ZNF556: variants seen among roughly 807,000 people sequenced by gnomAD.
The protein encoded by ZNF556 is zinc finger protein 556.
A neutral mutation model predicts 13.6 loss-of-function variants in ZNF556; 11 were observed. The observed-to-expected ratio is 0.81, with a 90% CI of 0.51 to 1.33. The LOEUF is 1.33. Ranked by LOEUF, ZNF556 falls within the 40% of genes most tolerant of loss-of-function variation. The pLI is 0.00. For synonymous variants in ZNF556, 229 were observed against 207.8 expected, an observed-to-expected ratio of 1.10 and a Z score of -0.88; for missense variants, 633 against 566.2, an observed-to-expected ratio of 1.12 and a Z score of -1.20.
Position 2,880,627 on chromosome 19 carries a change from G to C in ZNF556, c.*2298G>C, listed in dbSNP as rs1026377100. On this transcript the variant is annotated 3_prime_UTR_variant, in exon 4 of 4. Transcript: ENST00000307635. ...TACTAAAAATACAAAATATTAGTGG[G>C]GTGTGCTGGTAGGTGCCTGTAGTCC... 6.6e-5 allele frequency: 10 copies of C among 151,852 alleles called. No homozygotes were observed. The highest frequency in any genetic ancestry group is 1.0e-4 in the Non-Finnish European group (7 of 68,020). 9.4% of individuals were successfully genotyped at this position (151,852 alleles called of 1,614,324 possible).
intron 2 of ZNF556, among the ~76,000 whole-genome samples, chr19:2,874,758 A>G (rs200570220): frequency 9.2e-5 from 12 of 130,772 alleles, no homozygotes; most frequent in South Asian, 2.4e-4. Context: ...AAAAAAAAAA[A>G]AAAGAAAGAA....
At position 2,867,373 on chromosome 19, in the gene ZNF556, G is replaced by C; in HGVS notation, c.-49G>C. 2.5e-6 allele frequency: 4 copies of C among 1,568,952 alleles called. No individual in the cohort carries two copies. In the South Asian group the frequency reaches 3.5e-5, roughly 14 times the overall value. On this transcript the variant is annotated 5_prime_UTR_variant, in exon 1 of 4. Transcript: ENST00000307635. ...TGTCCCCGTCGTGCTCACCTGCACC[G>C]GCTGCGAGGAGCAGGGAGCTCCTCA...
At position 2,876,139 on chromosome 19, in the gene ZNF556, T is replaced by C. The variant is rs767057182; in HGVS notation, c.177T>C (p.Asp59=). 14 of 1,612,824 alleles carry C rather than the reference T, an allele frequency of 8.7e-6. No homozygotes were observed. In the African/African-American group the frequency reaches 1.7e-4, roughly 20 times the overall value. ...LKASGSISQQ[D]TSGEKLSLKQ... ...CCAGTGGGTCTATTTCTCAGCAGGA[T>C]ACTTCTGGAGAAAAATTATCCCTCA... Residue 59 remains aspartate, a synonymous_variant, in exon 3 of 4, where the codon GAT becomes GAC. Transcript: ENST00000307635.
chr19:2,876,221 A>G lies in ZNF556; in HGVS notation c.259A>G (p.Asn87Asp). The G allele has an allele frequency of 6.2e-7, 1 of 1,609,912 alleles. No homozygotes were observed. Among genetic ancestry groups the G allele is most frequent in the Non-Finnish European group, 8.5e-7 (1 of 1,178,808 alleles). The change falls in exon 3 of 4, where the codon AAT becomes GAT. Residue 87 changes from asparagine (N) to aspartate (D), a missense_variant. By Grantham distance (23) the Asn-to-Asp change is conservative. Coordinates refer to ENST00000307635, the MANE Select transcript of ZNF556 (RefSeq NM_024967.3). Reference protein sequence around the residue: ...KNIWASLLGKNWEEHSVKDKH... With the variant: ...KNIWASLLGKDWEEHSVKDKH... Reference sequence around the variant, plus strand: ...TATATGGGCCTCCCTTTTAGGAAAAAATTGGGAAGAACATAGCGTTAAAGA... The same window carrying G: ...TATATGGGCCTCCCTTTTAGGAAAAGATTGGGAAGAACATAGCGTTAAAGA...
At chr19:2,877,191 C>T (rs2087859238) in intron 3 of ZNF556, 82 bp from the exon 4 acceptor site, 2 of 1,208,970 alleles carry the variant, frequency 1.7e-6, no homozygotes, top group Non-Finnish European at 2.3e-6. Context: ...GCCTGGGGAA[C>T]AAGAGCAAAA....
rs921011181 is a variant in ZNF556 at position 2,881,954 on chromosome 19, T to A, written c.*3625T>A. On this transcript the variant is annotated 3_prime_UTR_variant, in exon 4 of 4. Coordinates refer to ENST00000307635, the MANE Select transcript of ZNF556 (RefSeq NM_024967.3). ...AGACACAGTCTCTATAAAAAGAAATTTTTAAAAGTATCTAGGCATGGTGAT... is the reference window on the plus strand; with the variant it reads ...AGACACAGTCTCTATAAAAAGAAATATTTAAAAGTATCTAGGCATGGTGAT... The A allele has an allele frequency of 6.6e-6, 1 of 150,974 alleles. No individual in the cohort carries two copies. Among genetic ancestry groups the A allele is most frequent in the African/African-American group, 2.4e-5 (1 of 41,002 alleles). 9.4% of individuals were successfully genotyped at this position (150,974 alleles called of 1,614,324 possible).
In ZNF556 at chr19:2,876,123, C is replaced by T. The variant is rs764544547; in HGVS notation, c.161C>T (p.Ser54Phe). The T allele has an allele frequency of 2.8e-5, 45 of 1,611,488 alleles. No homozygotes were observed. The highest frequency in any genetic ancestry group is 3.7e-5 in the Non-Finnish European group (44 of 1,179,422). Reference protein sequence around the residue: ...DNEAQLKASGSISQQDTSGEK... With the variant: ...DNEAQLKASGFISQQDTSGEK... ...GAGGCTCAGCTTAAAGCCAGTGGGT[C>T]TATTTCTCAGCAGGATACTTCTGGA... Residue 54 changes from serine to phenylalanine, a missense_variant, in exon 3 of 4, where the codon TCT (serine) becomes TTT (phenylalanine). Physicochemically the swap from Ser to Phe is radical, Grantham distance 155. Transcript: ENST00000307635.
Position 2,878,230 on chromosome 19 carries a change from C to T in ZNF556, c.1272C>T (p.Pro424=), listed in dbSNP as rs148803673. 2 of 1,613,980 alleles carry T rather than the reference C, an allele frequency of 1.2e-6. No individual in the cohort carries two copies. Among genetic ancestry groups the T allele is most frequent in the African/African-American group, 2.7e-5 (2 of 74,908 alleles). ...TAAGAACGCAGATTGGACAGAAGCC[C>T]AGTAAATGCGAAAAATGTGGGAAAG... ...KNVRTQIGQK[P]SKCEKCGKAF... is the part of the protein sequence containing the mutation. Residue 424 remains proline, a synonymous_variant, in exon 4 of 4, where the codon CCC becomes CCT. Transcript: ENST00000307635.
intron 1 of ZNF556, among the ~76,000 whole-genome samples, chr19:2,869,413 C>T (rs1346965945): frequency 6.6e-6 from 1 of 152,112 alleles, no homozygotes; most frequent in Non-Finnish European, 1.5e-5. Context: ...GTCACCGACG[C>T]TGGAGTGCAG....
rs1472452871 is a variant in ZNF556, at chr19:2,879,384, A to T, written c.*1055A>T. On this transcript the variant is annotated 3_prime_UTR_variant, in exon 4 of 4. Coordinates refer to ENST00000307635, the MANE Select transcript of ZNF556 (RefSeq NM_024967.3). ...TTCTTTTTTGAGACAGAGTCCTGTTATGTTGCCCAAGCTGGAGTGCAACGG... is the reference window on the plus strand; with the variant it reads ...TTCTTTTTTGAGACAGAGTCCTGTTTTGTTGCCCAAGCTGGAGTGCAACGG... 1.3e-5 allele frequency: 2 copies of T among 151,754 alleles called. No homozygotes were observed. The highest frequency in any genetic ancestry group is 2.9e-5 in the Non-Finnish European group (2 of 67,928). 9.4% of individuals were successfully genotyped at this position (151,754 alleles called of 1,614,324 possible). A position where few individuals can be genotyped will look rare whatever the true frequency, so the allele number is the denominator to read the frequency against.
In ZNF556 at chr19:2,881,040, G is replaced by A. The variant is rs2087900943; in HGVS notation, c.*2711G>A. The stretch of plus-strand genomic sequence containing the variant: ...CCGCCACCACACCCGGCTAATTTTT[G>A]TATTTTTAGTAGAGACGGGGTTTCA... On this transcript the variant is annotated 3_prime_UTR_variant, in exon 4 of 4. Transcript: ENST00000307635. The A allele has an allele frequency of 6.6e-6, 1 of 151,314 alleles. No individual in the cohort carries two copies. The highest frequency in any genetic ancestry group is 2.0e-4 in the East Asian group (1 of 4,926). The allele number at this position is 151,314 out of a possible 1,614,324, so 9.4% of individuals were successfully genotyped here. A position where few individuals can be genotyped will look rare whatever the true frequency, so the allele number is the denominator to read the frequency against.
chr19:2,874,642 G>T (rs921775677), intron 2 of ZNF556, among the ~76,000 whole-genome samples: 1 of 151,306 alleles, frequency 6.6e-6, no homozygotes, highest in Admixed American at 6.6e-5. Context: ...TACTTGGGAG[G>T]CTGAGGCAGC....
chr19:2,877,704 A>T lies in ZNF556; in HGVS notation c.746A>T (p.His249Leu), dbSNP rs746996670. Residue 249 changes from histidine (H) to leucine (L), a missense_variant, in exon 4 of 4, where the codon CAT becomes CTT. Coordinates refer to ENST00000307635, the MANE Select transcript of ZNF556 (RefSeq NM_024967.3). ...AGTTGTCCCAAATCCTTTCGCGCAC[A>T]TGTGATGATGCACGCCGGAGGGAGA... The part of the protein sequence containing the change: ...GFSCPKSFRA[H>L]VMMHAGGRPY... 12 of 1,614,034 alleles carry T rather than the reference A, an allele frequency of 7.4e-6. No homozygotes were observed. The highest frequency in any genetic ancestry group is 1.6e-4 in the Middle Eastern group (1 of 6,084).
intron 1 of ZNF556, among the ~76,000 whole-genome samples, chr19:2,871,377 G>T (rs1480810640): frequency 6.6e-6 from 1 of 152,192 alleles, no homozygotes; most frequent in Non-Finnish European, 1.5e-5. Context: ...GAGAGTAGAA[G>T]AGTGATTGCC....
chr19:2,876,440 A>G (rs1372223935), intron 3 of ZNF556, among the ~76,000 whole-genome samples, 164 bp downstream of exon 3: 2 of 149,882 alleles, frequency 1.3e-5, no homozygotes, highest in Admixed American at 1.3e-4. Context: ...AAATACAAAA[A>G]TGGGCGCGGT....
Position 2,880,880 on chromosome 19 carries a change from T to C in ZNF556, c.*2551T>C, listed in dbSNP as rs994434115. 2 of 151,278 alleles carry C rather than the reference T, an allele frequency of 1.3e-5. No individual in the cohort carries two copies. The highest frequency in any genetic ancestry group is 4.9e-5 in the African/African-American group (2 of 41,196). The allele number at this position is 151,278 out of a possible 1,614,324, so 9.4% of individuals were successfully genotyped here. The stretch of plus-strand genomic sequence containing the variant: ...ATTTTGTCTAAGAAATTCTTTTTTT[T>C]TTTTTTGAGACAGATTCTCGCTCTG... On this transcript the variant is annotated 3_prime_UTR_variant, in exon 4 of 4. Coordinates refer to ENST00000307635, the MANE Select transcript of ZNF556 (RefSeq NM_024967.3).
In ZNF556 at chr19:2,877,347, G is replaced by A. The variant is rs140047656; in HGVS notation, c.389G>A (p.Arg130Gln). Residue 130 changes from arginine (R) to glutamine (Q), a missense_variant, in exon 4 of 4, where the codon CGA (arginine) becomes CAA (glutamine). Arg to Gln is a conservative substitution (Grantham distance 43, BLOSUM62 1). Transcript: ENST00000307635. The part of the protein sequence containing the change: ...NKRGRTFRKT[R>Q]NCNRHLRKNC... Reference sequence around the variant, plus strand: ...CGTGGAAGAACCTTCAGAAAGACTCGAAATTGTAATCGTCATCTGCGCAAG... The same window carrying A: ...CGTGGAAGAACCTTCAGAAAGACTCAAAATTGTAATCGTCATCTGCGCAAG... 9.4e-5 allele frequency: 151 copies of A among 1,614,070 alleles called. No individual in the cohort carries two copies. The highest frequency in any genetic ancestry group is 1.2e-4 in the Non-Finnish European group (142 of 1,180,038).
In ZNF556 at chr19:2,877,270, T is replaced by C; in HGVS notation, c.315-3T>C. 1.3e-6 allele frequency: 2 copies of C among 1,595,328 alleles called. No homozygotes were observed. The highest frequency in any genetic ancestry group is 1.7e-6 in the Non-Finnish European group (2 of 1,171,258). ...CCATTAATAATGTGCTACCCATTTT[T>C]AGCAGAAATCCAAGGGTGGAGAGAC... On this transcript the variant is annotated splice_region_variant and splice_polypyrimidine_tract_variant and intron_variant, in intron 3 of 3. Transcript: ENST00000307635.
At chr19:2,869,931 G>A (rs2087788483) in intron 1 of ZNF556, among the ~76,000 whole-genome samples, 1 of 151,994 alleles carries the variant, frequency 6.6e-6, no homozygotes, top group African/African-American at 2.4e-5. Context: ...GACCCCCCTT[G>A]GCTGTCACTC....
Sources: gnomAD v4.1 joint callset for allele counts (sites outside exome capture counted in the v4.1 genomes callset) on GRCh38, gnomAD v4.1.1 for gene constraint, MANE v1.5 for transcripts, NCBI Gene and HGNC (gene_info 2026-07-23, HGNC 2026-07-21) for gene names.